SIPA1L3: variants seen among roughly 807,000 people sequenced by gnomAD.
SIPA1L3 encodes signal induced proliferation associated 1 like 3, also known as signal-induced proliferation-associated 1-like protein 3.
A neutral mutation model predicts 150.1 loss-of-function variants in SIPA1L3; 59 were observed. The ratio of observed to expected loss-of-function variants is 0.39; its 90% CI spans 0.32 to 0.49. The LOEUF (loss-of-function observed/expected upper bound fraction) is 0.49. Ranked by LOEUF, SIPA1L3 falls within the 20% of genes least tolerant of loss-of-function variation. The probability of loss-of-function intolerance (pLI) is 0.86; values close to 1 mark genes in which losing one functional copy is unlikely to be tolerated. For synonymous variants in SIPA1L3, 1,070 were observed against 1,077.6 expected (o/e 0.99, Z 0.14); for missense variants, 2,211 against 2,489.5 (o/e 0.89, Z 2.38).
rs774032932 is a variant in SIPA1L3 at position 38,088,671 on chromosome 19, C to T, written c.1535-50C>T. 12 of 1,596,534 alleles carry T rather than the reference C, an allele frequency of 7.5e-6. No individual in the cohort carries two copies. The South Asian group carries it at 1.2e-4, about 16-fold the overall frequency. ...CTGCAGGCCTGCTGGGCATCAGGGC[C>T]CCTCCTTCCCAGACAGCTGAGCCTG... is the stretch of plus-strand genomic sequence containing the variant. On this transcript the variant is annotated intron_variant, in intron 3 of 21. Coordinates refer to ENST00000222345, the MANE Select transcript of SIPA1L3 (RefSeq NM_015073.3).
Position 38,034,531 on chromosome 19 carries a change from G to A in SIPA1L3, c.-311+5375G>A, listed in dbSNP as rs568599156. Among the ~76,000 whole-genome samples, 2 of 152,002 alleles carry A rather than the reference G, an allele frequency of 1.3e-5. 1 individual carries two copies. Among genetic ancestry groups the A allele is most frequent in the Admixed American group, 1.3e-4 (2 of 15,266 alleles). Reference sequence around the variant, plus strand: ...TCATAAGAGGTCCGGGGGTGCGGGGGGTGGGGTACAGGGGACCAGGCTGCT... The same window carrying A: ...TCATAAGAGGTCCGGGGGTGCGGGGAGTGGGGTACAGGGGACCAGGCTGCT... On this transcript the variant is annotated intron_variant, in intron 2 of 21. Coordinates refer to ENST00000222345, the MANE Select transcript of SIPA1L3 (RefSeq NM_015073.3).
At chr19:37,935,949 T>A (rs1051973219) in intron 1 of SIPA1L3, among the ~76,000 whole-genome samples, 4 of 152,142 alleles carry the variant, frequency 2.6e-5, no homozygotes, top group African/African-American at 9.7e-5. Context: ...TTTTCTCATG[T>A]AAGAAGTGCA....
At chr19:38,113,536 T>G (rs1256034530) in intron 8 of SIPA1L3, among the ~76,000 whole-genome samples, 1 of 151,228 alleles carries the variant, frequency 6.6e-6, no homozygotes, top group Admixed American at 6.6e-5. Flanking sequence ...GAGGATCGCT[T>G]GAGCCCAGGA....
At chr19:38,175,286 C>T (rs1376259757) in intron 15 of SIPA1L3, among the ~76,000 whole-genome samples, 1 of 152,126 alleles carries the variant, frequency 6.6e-6, no homozygotes, top group Non-Finnish European at 1.5e-5. Flanking sequence ...TACTGTGCCA[C>T]TGCTCCTCCT....
intron 1 of SIPA1L3, among the ~76,000 whole-genome samples, chr19:37,981,550 A>C (rs1346094838): frequency 6.6e-6 from 1 of 152,192 alleles, no homozygotes; most frequent in East Asian, 1.9e-4. Context: ...TGCAAATGAA[A>C]GTGATAATAC....
intron 8 of SIPA1L3, among the ~76,000 whole-genome samples, chr19:38,111,432 G>T (rs926852965): frequency 6.6e-6 from 1 of 152,128 alleles, no homozygotes; most frequent in East Asian, 1.9e-4. Context: ...CTACTGATGG[G>T]TATTACGGTT....
chr19:38,170,234 C>T (rs767331626), intron 15 of SIPA1L3, among the ~76,000 whole-genome samples: 7 of 152,176 alleles, frequency 4.6e-5, no homozygotes, highest in Non-Finnish European at 1.0e-4. Flanking sequence ...CATCTCACCC[C>T]ACCTCACTCC....
At chr19:38,146,319 G>A (rs1971703750) in intron 12 of SIPA1L3, among the ~76,000 whole-genome samples, 1 of 152,214 alleles carries the variant, frequency 6.6e-6, no homozygotes, top group East Asian at 1.9e-4. Flanking sequence ...TGTTTATTCC[G>A]TGGTCTAGAT....
intron 1 of SIPA1L3, among the ~76,000 whole-genome samples, chr19:37,983,411 G>A (rs187423652): frequency 6.6e-6 from 1 of 152,318 alleles, no homozygotes; most frequent in East Asian, 1.9e-4. Context: ...GAGCAGTTGT[G>A]AAGGTTACGT....
intron 2 of SIPA1L3, among the ~76,000 whole-genome samples, chr19:38,029,586 C>G (rs1049218476): frequency 3.3e-5 from 5 of 152,130 alleles, no homozygotes; most frequent in African/African-American, 1.2e-4. Context: ...GTAAAACCCT[C>G]TTTTGGTATA....
Position 38,206,198 on chromosome 19 carries a change from CA to C in SIPA1L3, c.5306del (p.Lys1769SerfsTer64). 6.4e-7 allele frequency: 1 copy of C among 1,561,394 alleles called. No homozygotes were observed. Among genetic ancestry groups the C allele is most frequent in the Non-Finnish European group, 8.7e-7 (1 of 1,152,772 alleles). ...CGCAGGCCGCCAGCGAGCAGCTGCG[CA>C]AGTTTGCGGAGATCTTCTGCAGGGA... The part of the protein sequence containing the change: ...ESQAASEQLR[K>X]FAEIFCREKK... On this transcript the variant is annotated frameshift_variant, in exon 22 of 22. Coordinates refer to ENST00000222345, the MANE Select transcript of SIPA1L3 (RefSeq NM_015073.3). LOFTEE classifies it high-confidence loss of function.
intron 16 of SIPA1L3, among the ~76,000 whole-genome samples, chr19:38,189,879 C>T (rs771732141): frequency 5.9e-5 from 9 of 152,168 alleles, no homozygotes; most frequent in African/African-American, 2.2e-4. Flanking sequence ...AAAATGGTTT[C>T]GCGCTATACA....
intron 1 of SIPA1L3, among the ~76,000 whole-genome samples, chr19:37,981,644 G>T (rs879573299): frequency 6.6e-6 from 1 of 151,974 alleles, no homozygotes; most frequent in Non-Finnish European, 1.5e-5. Context: ...GTCAGATGAC[G>T]CAGTGCCAGT....
chr19:37,912,284 C>T (rs945217091), intron 1 of SIPA1L3, among the ~76,000 whole-genome samples: 2 of 151,998 alleles, frequency 1.3e-5, no homozygotes, highest in African/African-American at 4.8e-5. Context: ...GGCAGCATGG[C>T]CCAGTGGCTG....
rs34881450 is a variant in SIPA1L3 at position 37,937,741 on chromosome 19, CAAAAAAA to C, written c.-379+30400_-379+30406del. Among the ~76,000 whole-genome samples the C allele has an allele frequency of 2.8e-3, 53 of 18,678 alleles. 2 individuals are homozygous for C. The East Asian group carries it at 0.054, about 19-fold the overall frequency. 12.3% of individuals were successfully genotyped at this position (18,678 alleles called of 152,430 possible). On this transcript the variant is annotated intron_variant, in intron 1 of 21. Coordinates refer to ENST00000222345, the MANE Select transcript of SIPA1L3 (RefSeq NM_015073.3). ...AGGGCGACAGAGTGAAACCCTGTCT[CAAAAAAA>C]AAAAAAAAAAAAAAAAGACCAGGCA...
chr19:38,192,364 G>A, intron 17 of SIPA1L3, 54 bp downstream of exon 17: 2 of 1,500,270 alleles, frequency 1.3e-6, no homozygotes, highest in Non-Finnish European at 1.8e-6. Context: ...GGGGATCCCA[G>A]ATCTGGGCAG....
rs200617117 is a variant in SIPA1L3, at chr19:38,082,265, G to C, written c.700G>C (p.Gly234Arg). ...EFRSEQPDAR[G>R]CQALTELLRA... is the part of the protein sequence containing the mutation. Reference sequence around the variant, plus strand: ...CCGCAGCGAGCAGCCCGACGCCCGAGGGTGCCAGGCCCTCACCGAGCTCCT... The same window carrying C: ...CCGCAGCGAGCAGCCCGACGCCCGACGGTGCCAGGCCCTCACCGAGCTCCT... The change falls in exon 3 of 22, where the codon GGG (glycine) becomes CGG (arginine). Residue 234 changes from glycine (G) to arginine (R), a missense_variant. Physicochemically the swap from Gly to Arg is moderately radical, Grantham distance 125. Around this residue, in one of 5 missense-constraint regions of SIPA1L3, gnomAD observed 587 missense variants for 534.5 expected, o/e 1.10. Transcript: ENST00000222345. 4.4e-6 allele frequency: 7 copies of C among 1,600,570 alleles called. No homozygotes were observed. The highest frequency in any genetic ancestry group is 5.9e-6 in the Non-Finnish European group (7 of 1,179,742).
chr19:38,165,388 G>A (rs184220129), intron 15 of SIPA1L3, among the ~76,000 whole-genome samples: 2 of 152,282 alleles, frequency 1.3e-5, no homozygotes, highest in African/African-American at 2.4e-5. Flanking sequence ...CTCAAGGATT[G>A]GCACTCTGTG....
chr19:38,029,410 A>AG (rs1388708473), intron 2 of SIPA1L3, among the ~76,000 whole-genome samples: 1 of 152,144 alleles, frequency 6.6e-6, no homozygotes, highest in African/African-American at 2.4e-5. Flanking sequence ...TCGTTGTGTG[A>AG]GAAAAAGGAA....
Sources: allele counts gnomAD v4.1 joint callset (sites outside exome capture counted in the v4.1 genomes callset), GRCh38; gene constraint gnomAD v4.1.1; regional missense constraint gnomAD v4.1.1; transcripts MANE v1.5; gene names NCBI Gene and HGNC (gene_info 2026-07-23, HGNC 2026-07-21).